Variants in BABAM2 observed in about 807,000 individuals in gnomAD.
BABAM2 encodes BRISC and BRCA1-A complex member 2.
BABAM2 carries 31 observed loss-of-function variants against 54.7 expected under a neutral mutation model. The ratio of observed to expected loss-of-function variants is 0.57; its 90% confidence interval spans 0.43 to 0.77. The LOEUF is 0.77. BABAM2 is among the 30% of genes least tolerant of loss of function. BABAM2 has a pLI of 0.00. For synonymous variants in BABAM2, 167 were observed against 162.9 expected (o/e 1.03, Z -0.19); for missense variants, 364 against 455.8 (o/e 0.80, Z 1.83).
chr2:28,288,943 C>G (rs964823031), intron 10 of BABAM2, among the ~76,000 whole-genome samples: 1 of 151,168 alleles, frequency 6.6e-6, no homozygotes, highest in East Asian at 1.9e-4. Flanking sequence ...TCCTGGCACT[C>G]TACCCACTGT....
chr2:28,028,237 A>G (rs928532207), intron 5 of BABAM2, among the ~76,000 whole-genome samples: 3 of 152,180 alleles, frequency 2.0e-5, no homozygotes, highest in South Asian at 2.1e-4. Flanking sequence ...AGGGCAGTGC[A>G]CAAGATTCAG....
intron 3 of BABAM2, among the ~76,000 whole-genome samples, chr2:27,942,175 G>T (rs1189115304): frequency 6.6e-6 from 1 of 152,118 alleles, no homozygotes; most frequent in Non-Finnish European, 1.5e-5. Context: ...AGACACTGTG[G>T]GGCTTGGCAT....
chr2:27,946,374 C>T (rs1669298510), intron 3 of BABAM2, among the ~76,000 whole-genome samples: 2 of 152,156 alleles, frequency 1.3e-5, no homozygotes, highest in South Asian at 4.1e-4. Flanking sequence ...TATGATCCTT[C>T]TGATGTATTA....
At chr2:28,196,790 A>G (rs774430716) in intron 7 of BABAM2, among the ~76,000 whole-genome samples, 5 of 144,564 alleles carry the variant, frequency 3.5e-5, no homozygotes, top group Non-Finnish European at 6.0e-5. Flanking sequence ...TCAAGCCTAT[A>G]GAGCTATGAT....
intron 6 of BABAM2, among the ~76,000 whole-genome samples, chr2:28,091,026 ATTG>A (rs1427746558): frequency 2.6e-5 from 4 of 152,154 alleles, no homozygotes; most frequent in Non-Finnish European, 2.9e-5. Context: ...TACCATAATG[ATTG>A]TTATTTTCCT....
At chr2:28,017,900 C>A (rs547595625) in intron 4 of BABAM2, among the ~76,000 whole-genome samples, 1 of 152,272 alleles carries the variant, frequency 6.6e-6, no homozygotes, top group Admixed American at 6.5e-5. Flanking sequence ...TGTATTTATT[C>A]ATCATTGGTT....
At chr2:28,307,980 C>T (rs1688710214) in intron 11 of BABAM2, 2 of 154,540 alleles carry the variant, frequency 1.3e-5, no homozygotes, top group South Asian at 2.0e-4. Flanking sequence ...CACAGTGGCC[C>T]CTCACACACT....
At position 27,921,974 on chromosome 2, in the gene BABAM2, A is replaced by G. The variant is rs556398240; in HGVS notation, c.129-7858A>G. 1.1e-4 allele frequency among the ~76,000 whole-genome samples: 17 copies of G among 152,302 alleles called. No individual in the cohort carries two copies. The East Asian group carries it at 3.1e-3, about 28-fold the overall frequency. On this transcript the variant is annotated intron_variant, in intron 2 of 11. Coordinates refer to ENST00000379624, the MANE Select transcript of BABAM2 (RefSeq NM_199191.3). ...AGTACAACACTAGGAGTCAAGATAT[A>G]TGCATTCATTCAGCAAACCTTTATC...
At chr2:27,917,503 C>G (rs771056235) in intron 2 of BABAM2, among the ~76,000 whole-genome samples, 92 of 152,266 alleles carry the variant, frequency 6.0e-4, no homozygotes, top group African/African-American at 2.1e-3. Context: ...ATGATGCCTT[C>G]TCTGTGTCCT....
intron 3 of BABAM2, among the ~76,000 whole-genome samples, chr2:27,962,471 G>A (rs527424090): frequency 7.9e-5 from 12 of 152,220 alleles, no homozygotes; most frequent in South Asian, 6.2e-4. Flanking sequence ...GACCAGATAC[G>A]TATAGCTAAA....
At chr2:28,084,555 A>T (rs1318501140) in intron 6 of BABAM2, among the ~76,000 whole-genome samples, 2 of 151,998 alleles carry the variant, frequency 1.3e-5, no homozygotes, top group Non-Finnish European at 2.9e-5. Context: ...GCATTGGAAG[A>T]AAAAAAATGT....
intron 3 of BABAM2, among the ~76,000 whole-genome samples, chr2:27,987,590 T>C (rs1391745641): frequency 2.0e-5 from 3 of 151,938 alleles, no homozygotes; most frequent in Non-Finnish European, 4.4e-5. Flanking sequence ...TGAGGTGGGT[T>C]GATCGCTTGA....
At position 28,085,595 on chromosome 2, in the gene BABAM2, A is replaced by T. The variant is rs7600749; in HGVS notation, c.570+39796A>T. Among the ~76,000 whole-genome samples the T allele has an allele frequency of 2.6e-5, 4 of 152,136 alleles. No individual in the cohort carries two copies. The South Asian group carries it at 8.3e-4, about 31-fold the overall frequency. ...CTTGTCAAAGTAATGAATATTTAAC[A>T]TATTACTTGACTTATAGACTAATGA... On this transcript the variant is annotated intron_variant, in intron 6 of 11. Coordinates refer to ENST00000379624, the MANE Select transcript of BABAM2 (RefSeq NM_199191.3).
chr2:28,020,689 A>G (rs1675179891), intron 4 of BABAM2, among the ~76,000 whole-genome samples: 2 of 152,142 alleles, frequency 1.3e-5, no homozygotes, highest in Non-Finnish European at 2.9e-5. Context: ...AATTATATAT[A>G]TAATTGTATA....
At chr2:28,181,505 G>A (rs1231874066) in intron 7 of BABAM2, among the ~76,000 whole-genome samples, 4 of 152,076 alleles carry the variant, frequency 2.6e-5, no homozygotes, top group Non-Finnish European at 5.9e-5. Context: ...TAGCAGAGTA[G>A]GGTACTCTTG....
chr2:27,924,686 CT>C (rs1305096637), intron 2 of BABAM2, among the ~76,000 whole-genome samples: 2 of 152,272 alleles, frequency 1.3e-5, no homozygotes, highest in Non-Finnish European at 2.9e-5. Context: ...TGCCCTGCCC[CT>C]ATGCTCTTTT....
chr2:28,206,588 A>G (rs1565325), intron 7 of BABAM2, among the ~76,000 whole-genome samples: 147,744 of 152,218 alleles, frequency 0.97, 71,866 homozygotes, highest in Middle Eastern at 1. Flanking sequence ...TGCTCCACTC[A>G]CCCAGCTGCT....
intron 7 of BABAM2, chr2:28,233,349 G>A (rs1377671682): frequency 6.6e-6 from 3 of 455,336 alleles, no homozygotes; most frequent in Non-Finnish European, 1.4e-5. Context: ...TGGAATCTCT[G>A]CACAGGGTGA....
intron 1 of BABAM2, chr2:27,892,435 A>G (rs1276021035): frequency 6.6e-6 from 1 of 152,222 alleles, no homozygotes; most frequent in Non-Finnish European, 1.5e-5. Context: ...CAGAAGAACA[A>G]TTCGGTAATA....
Sources: gnomAD v4.1 joint callset for allele counts (sites outside exome capture counted in the v4.1 genomes callset) on GRCh38, gnomAD v4.1.1 for gene constraint, MANE v1.5 for transcripts, NCBI Gene and HGNC (gene_info 2026-07-23, HGNC 2026-07-21) for gene names.